Variants in TET3 observed in about 807,000 individuals in gnomAD.
The protein encoded by TET3 is methylcytosine dioxygenase TET3.
In TET3, 19 loss-of-function variants were observed where a neutral mutation model predicts 141.4. The observed-to-expected ratio is 0.13, with a 90% CI of 0.09 to 0.20. The LOEUF (loss-of-function observed/expected upper bound fraction) is 0.20, where lower values mean the gene tolerates loss of function less well. Among genes scored for constraint, TET3 ranks in the 10% least tolerant of loss-of-function variants. The probability of loss-of-function intolerance (pLI) is 1.00; values close to 1 mark genes in which losing one functional copy is unlikely to be tolerated. For synonymous variants in TET3, 1,043 were observed against 980.9 expected (o/e 1.06, Z -1.18); for missense variants, 1,874 against 2,356.9 (o/e 0.80, Z 4.24).
chr2:74,004,741 C>G (rs1685063087), intron 3 of TET3, among the ~76,000 whole-genome samples: 1 of 152,138 alleles, frequency 6.6e-6, no homozygotes, highest in African/African-American at 2.4e-5. Context: ...GAGCTCACCT[C>G]AAGTTGGCTC....
At chr2:74,026,931 A>C (rs987477145) in intron 3 of TET3, among the ~76,000 whole-genome samples, 1 of 152,144 alleles carries the variant, frequency 6.6e-6, no homozygotes, top group Non-Finnish European at 1.5e-5. Flanking sequence ...CTCCCCACTC[A>C]AGAGTTGCCA....
chr2:73,986,290 C>G lies in TET3; in HGVS notation c.-114C>G, dbSNP rs1684022588. 1.3e-5 allele frequency: 13 copies of G among 999,198 alleles called. No individual in the cohort carries two copies. The highest frequency in any genetic ancestry group is 3.6e-4 in the Middle Eastern group (1 of 2,790). The allele number at this position is 999,198 out of a possible 1,614,324, so 61.9% of individuals were successfully genotyped here. A position where few individuals can be genotyped will look rare whatever the true frequency, so the allele number is the denominator to read the frequency against. On this transcript the variant is annotated 5_prime_UTR_variant, in exon 2 of 12. Transcript: ENST00000409262. The stretch of plus-strand genomic sequence containing the variant: ...CGAGACTGAAGCCACTTGCCTTCAC[C>G]CTTGTAGACTCTTGACTGTTCTAGG...
chr2:74,044,928 A>C (rs184295044), intron 3 of TET3, among the ~76,000 whole-genome samples: 249 of 152,344 alleles, frequency 1.6e-3, no homozygotes, highest in African/African-American at 5.7e-3. Flanking sequence ...GACTTGTCCC[A>C]AGTAAAAATA....
chr2:74,000,342 G>A (rs1307683166), intron 2 of TET3, among the ~76,000 whole-genome samples: 1 of 152,150 alleles, frequency 6.6e-6, no homozygotes, highest in Non-Finnish European at 1.5e-5. Flanking sequence ...CAGGGCCCCC[G>A]CCCACGTGGG....
chr2:74,004,170 C>T (rs1262758896), intron 3 of TET3, among the ~76,000 whole-genome samples: 2 of 152,110 alleles, frequency 1.3e-5, no homozygotes, highest in African/African-American at 2.4e-5. Context: ...CTCTTCCTAG[C>T]GGAGAGGAAG....
chr2:74,081,947 G>C (rs570082757), intron 6 of TET3, among the ~76,000 whole-genome samples: 1 of 152,328 alleles, frequency 6.6e-6, no homozygotes, highest in South Asian at 2.1e-4. Flanking sequence ...TTGAGAGGTG[G>C]TCATTGCAGT....
chr2:74,101,540 G>T lies in TET3; in HGVS notation c.4752G>T (p.Leu1584=). ...ACAGGGCCTGGCAGTCCTTTGGTCT[G>T]CCCCTGGGATCCAGCGAGAAGCTGT... The part of the protein sequence containing the change: ...QLDRAWQSFG[L]PLGSSEKLFG... The change falls in exon 12 of 12, where the codon CTG becomes CTT. Residue 1584 remains leucine, a synonymous_variant. Coordinates refer to ENST00000409262, the MANE Select transcript of TET3 (RefSeq NM_001287491.2). This position sits in a 1 kb window ranked among gnomAD's most constrained non-coding sequence, Gnocchi z 8.5. 1 of 1,610,434 alleles carries T rather than the reference G, an allele frequency of 6.2e-7. No homozygotes were observed. Among genetic ancestry groups the T allele is most frequent in the Non-Finnish European group, 8.5e-7 (1 of 1,178,302 alleles).
the TET3 span, among the ~76,000 whole-genome samples, chr2:74,129,030 T>A: frequency 1.4e-5 from 2 of 142,156 alleles, no homozygotes; most frequent in African/African-American, 5.4e-5. Flanking sequence ...CTGGGCATGA[T>A]GGCTCACACC....
At chr2:74,030,133 A>G (rs772821833) in intron 3 of TET3, among the ~76,000 whole-genome samples, 1 of 152,244 alleles carries the variant, frequency 6.6e-6, no homozygotes, top group Non-Finnish European at 1.5e-5. Flanking sequence ...TTTGAGAGAT[A>G]AATGAATGAA....
intron 6 of TET3, among the ~76,000 whole-genome samples, chr2:74,085,629 G>A (rs957224582): frequency 5.7e-5 from 5 of 88,424 alleles, no homozygotes; most frequent in African/African-American, 3.6e-4. Flanking sequence ...TCTCACATGC[G>A]CAGTTCATGC....
chr2:74,044,810 T>A (rs1006083694), intron 3 of TET3, among the ~76,000 whole-genome samples: 1 of 152,238 alleles, frequency 6.6e-6, no homozygotes, highest in African/African-American at 2.4e-5. Context: ...TCAGTATGTG[T>A]ATCCTGAGAA....
At position 74,048,213 on chromosome 2, in the gene TET3, A is replaced by G. The variant is rs1687753439; in HGVS notation, c.2296A>G (p.Thr766Ala). The G allele has an allele frequency of 6.2e-7, 1 of 1,613,142 alleles. No individual in the cohort carries two copies. The highest frequency in any genetic ancestry group is 8.5e-7 in the Non-Finnish European group (1 of 1,179,578). The part of the protein sequence containing the change: ...QIKIESSGAV[T>A]VLSTTCFHSE... ...CAAGATTGAGTCTTCGGGGGCTGTGACTGTGCTCTCAACCACCTGCTTCCA... is the reference window on the plus strand; with the variant it reads ...CAAGATTGAGTCTTCGGGGGCTGTGGCTGTGCTCTCAACCACCTGCTTCCA... Residue 766 changes from threonine to alanine, a missense_variant, in exon 4 of 12, where the codon ACT becomes GCT. Physicochemically the swap from Thr to Ala is moderately conservative, Grantham distance 58. Around this residue, in one of 10 missense-constraint regions of TET3, gnomAD observed 83 missense variants for 107.0 expected, o/e 0.78. Transcript: ENST00000409262.
intron 3 of TET3, among the ~76,000 whole-genome samples, chr2:74,008,845 T>A (rs1685279582): frequency 6.6e-6 from 1 of 152,180 alleles, no homozygotes; most frequent in East Asian, 1.9e-4. Flanking sequence ...GATTAGGGTC[T>A]AAAGAAATCC....
rs573801152 is a variant in TET3, at chr2:74,005,183, T to C, written c.360+2017T>C. ...GCTGGCCCCAGATAGAGGCTGGTTT[T>C]CCGCAGTCCTGCTGGAAGCTCCCAG... On this transcript the variant is annotated intron_variant, in intron 3 of 11. Coordinates refer to ENST00000409262, the MANE Select transcript of TET3 (RefSeq NM_001287491.2). 1.2e-4 allele frequency among the ~76,000 whole-genome samples: 18 copies of C among 152,330 alleles called. No homozygotes were observed. The East Asian group carries it at 3.5e-3, about 29-fold the overall frequency.
chr2:74,012,101 C>G (rs1297706415), intron 3 of TET3, among the ~76,000 whole-genome samples: 2 of 152,178 alleles, frequency 1.3e-5, no homozygotes, highest in Admixed American at 1.3e-4. Context: ...GCTAGGACTA[C>G]AGGCGCATGC....
chr2:74,111,522 C>G (rs971989367), downstream of TET3, among the ~76,000 whole-genome samples: 5 of 152,222 alleles, frequency 3.3e-5, no homozygotes, highest in Admixed American at 1.3e-4. Context: ...TACAGTCATA[C>G]AGGCTATGCA....
chr2:74,036,582 A>G (rs1687073248), intron 3 of TET3, among the ~76,000 whole-genome samples: 1 of 152,206 alleles, frequency 6.6e-6, no homozygotes, highest in African/African-American at 2.4e-5. Flanking sequence ...GTGCTCTTCC[A>G]CATTGCCTTG....
chr2:73,984,453 G>T (rs1354184241), upstream of TET3, among the ~76,000 whole-genome samples: 1 of 152,184 alleles, frequency 6.6e-6, no homozygotes, highest in Non-Finnish European at 1.5e-5. This position sits in a 1 kb window ranked among gnomAD's most constrained non-coding sequence, Gnocchi z 5.6. Flanking sequence ...TGGGACAGGG[G>T]GGTCAGTCGG....
At position 74,048,262 on chromosome 2, in the gene TET3, C is replaced by T. The variant is rs759621727; in HGVS notation, c.2345C>T (p.Ala782Val). 4 of 1,613,824 alleles carry T rather than the reference C, an allele frequency of 2.5e-6. No homozygotes were observed. The highest frequency in any genetic ancestry group is 1.1e-5 in the South Asian group (1 of 91,058). The change falls in exon 4 of 12, where the codon GCC becomes GTC. Residue 782 changes from alanine to valine, a missense_variant. By Grantham distance (64) the Ala-to-Val change is moderately conservative. Coordinates refer to ENST00000409262, the MANE Select transcript of TET3 (RefSeq NM_001287491.2). ...CFHSEEGGQE[A>V]TPTKAENPLT... ...CATTCAGAGGAGGGAGGACAGGAGG[C>T]CACACCCACCAAGGCTGAGAACCCA...
Sources: allele counts gnomAD v4.1 joint callset (sites outside exome capture counted in the v4.1 genomes callset), GRCh38; gene constraint gnomAD v4.1.1; regional missense constraint gnomAD v4.1.1; non-coding constraint Gnocchi (gnomAD v3.1); transcripts MANE v1.5; gene names NCBI Gene and HGNC (gene_info 2026-07-23, HGNC 2026-07-21).